The following VIL1 variants were observed in gnomAD, a reference collection of about 807,000 sequenced individuals.
VIL1 encodes the protein villin-1.
A neutral mutation model predicts 104.0 loss-of-function variants in VIL1; 86 were observed. The observed-to-expected ratio is 0.83, with a 90% CI of 0.69 to 0.99. VIL1 has a LOEUF of 0.99. VIL1 is among the 50% of genes least tolerant of loss of function. The pLI is 0.00. For synonymous variants in VIL1, 394 were observed against 412.6 expected, an observed-to-expected ratio of 0.95 and a Z score of 0.55; for missense variants, 944 against 1,054.1, an observed-to-expected ratio of 0.90 and a Z score of 1.45.
intron 19 of VIL1, among the ~76,000 whole-genome samples, chr2:218,442,688 C>A (rs1574820108): frequency 1.3e-5 from 2 of 152,150 alleles, no homozygotes; most frequent in South Asian, 4.1e-4. Flanking sequence ...GGCTGCCAAT[C>A]TAGCTTAGGG....
At chr2:218,420,599 T>TG (rs1179228816) in intron 1 of VIL1, among the ~76,000 whole-genome samples, 4 of 150,426 alleles carry the variant, frequency 2.7e-5, no homozygotes, top group African/African-American at 9.7e-5. Flanking sequence ...TTTTGTTTTT[T>TG]TTTTGAGAAG....
chr2:218,423,630 A>G, intron 1 of VIL1, 138 bp from the exon 2 acceptor site: 1 of 737,138 alleles, frequency 1.4e-6, no homozygotes, highest in Non-Finnish European at 2.3e-6. Context: ...ATGGTCCCTG[A>G]GTGGGGAGTA....
chr2:218,435,636 G>T (rs577349668), intron 15 of VIL1, among the ~76,000 whole-genome samples: 8 of 152,320 alleles, frequency 5.3e-5, no homozygotes, highest in African/African-American at 1.9e-4. Context: ...TGTCTGTGCT[G>T]CTCACTACAG....
chr2:218,446,578 G>A (rs1056369753), intron 19 of VIL1, among the ~76,000 whole-genome samples: 24 of 152,170 alleles, frequency 1.6e-4, no homozygotes, highest in African/African-American at 5.1e-4. Flanking sequence ...TAAGCCAAGA[G>A]TGATGAAGCT....
chr2:218,447,323 C>A (rs1444136457), intron 19 of VIL1, among the ~76,000 whole-genome samples: 1 of 151,640 alleles, frequency 6.6e-6, no homozygotes, highest in East Asian at 1.9e-4. Flanking sequence ...GCAATAAAAT[C>A]TTTTTTTTGA....
chr2:218,429,966 G>A lies in VIL1; in HGVS notation c.948+19G>A. On this transcript the variant is annotated intron_variant, in intron 9 of 19. Coordinates refer to ENST00000248444, the MANE Select transcript of VIL1 (RefSeq NM_007127.3). ...TGCGCTGGTAGTGGTGGGGGCGGGGGAGGGTCCAGGAGGAGGGCAGAGTGA... is the reference window on the plus strand; with the variant it reads ...TGCGCTGGTAGTGGTGGGGGCGGGGAAGGGTCCAGGAGGAGGGCAGAGTGA... 1.4e-6 allele frequency: 2 copies of A among 1,381,338 alleles called. No homozygotes were observed. Among genetic ancestry groups the A allele is most frequent in the Non-Finnish European group, 1.0e-6 (1 of 969,684 alleles). 85.6% of individuals were successfully genotyped at this position (1,381,338 alleles called of 1,614,324 possible).
intron 16 of VIL1, 132 bp downstream of exon 16, chr2:218,436,758 G>A: frequency 1.7e-6 from 2 of 1,181,540 alleles, no homozygotes; most frequent in East Asian, 2.4e-5. Flanking sequence ...GAAATGGTAT[G>A]AACACCAGAA....
intron 17 of VIL1, among the ~76,000 whole-genome samples, chr2:218,437,941 C>T (rs1002397394): frequency 6.6e-6 from 1 of 152,178 alleles, no homozygotes; most frequent in East Asian, 1.9e-4. Context: ...TGAAGCCTGG[C>T]CTGGTGGCTC....
At chr2:218,443,267 C>T (rs1281536386) in intron 19 of VIL1, among the ~76,000 whole-genome samples, 1 of 149,184 alleles carries the variant, frequency 6.7e-6, no homozygotes, top group East Asian at 2.0e-4. Context: ...GGCGCGATCT[C>T]GGCTCACTGC....
chr2:218,420,578 G>T (rs1269905189), intron 1 of VIL1, among the ~76,000 whole-genome samples: 6 of 131,258 alleles, frequency 4.6e-5, no homozygotes, highest in Non-Finnish European at 1.0e-4. Flanking sequence ...ATGAGTATTT[G>T]TTTTTTTTTT....
intron 18 of VIL1, 90 bp from the exon 19 acceptor site, chr2:218,440,632 G>GT (rs1689270226): frequency 1.3e-6 from 2 of 1,531,626 alleles, no homozygotes; most frequent in African/African-American, 1.4e-5. Context: ...CTTCTTGAAG[G>GT]TGGTGCCCTA....
At position 218,450,144 on chromosome 2, in the gene VIL1, G is replaced by C. The variant is rs1689445478; in HGVS notation, c.*808G>C. The C allele has an allele frequency of 6.6e-6, 1 of 152,192 alleles. No individual in the cohort carries two copies. The highest frequency in any genetic ancestry group is 2.4e-5 in the African/African-American group (1 of 41,452). The allele number at this position is 152,192 out of a possible 1,614,324, so 9.4% of individuals were successfully genotyped here. A position where few individuals can be genotyped will look rare whatever the true frequency, so the allele number is the denominator to read the frequency against. On this transcript the variant is annotated 3_prime_UTR_variant, in exon 20 of 20. Transcript: ENST00000248444. ...TTTTAAGAAGTAACAGTGCTGCAAGGAAGTCCATGTCAGAAAGCCAACAGA... is the reference window on the plus strand; with the variant it reads ...TTTTAAGAAGTAACAGTGCTGCAAGCAAGTCCATGTCAGAAAGCCAACAGA...
At chr2:218,433,014 T>G (rs1312903328) in intron 13 of VIL1, 63 bp downstream of exon 13, 1 of 1,598,680 alleles carries the variant, frequency 6.3e-7, no homozygotes, top group African/African-American at 1.3e-5. Flanking sequence ...ATCCGGGAGA[T>G]GGAGAAGGGG....
Position 218,449,232 on chromosome 2 carries a change from T to C in VIL1, c.2380T>C (p.Ser794Pro), listed in dbSNP as rs1689424518. 3 of 1,613,640 alleles carry C rather than the reference T, an allele frequency of 1.9e-6. No individual in the cohort carries two copies. Among genetic ancestry groups the C allele is most frequent in the Non-Finnish European group, 2.5e-6 (3 of 1,179,576 alleles). ...CCCTCTCTTCTTCTAGGAACACCTGTCCATTGAAGATTTCACTCAGGCCTT... is the reference window on the plus strand; with the variant it reads ...CCCTCTCTTCTTCTAGGAACACCTGCCCATTGAAGATTTCACTCAGGCCTT... ...VDPSRKEEHL[S>P]IEDFTQAFGM... The change falls in exon 20 of 20, where the codon TCC (serine) becomes CCC (proline). Residue 794 changes from serine (S) to proline (P), a missense_variant. Physicochemically the swap from Ser to Pro is moderately conservative, Grantham distance 74. Transcript: ENST00000248444.
chr2:218,429,322 G>T lies in VIL1; in HGVS notation c.605G>T (p.Arg202Leu), dbSNP rs143650132. 41 of 1,614,042 alleles carry T rather than the reference G, an allele frequency of 2.5e-5. No homozygotes were observed. In the Admixed American group the frequency reaches 5.0e-4, roughly 20 times the overall value. ...GCCAAGGAGATCCGAGACCAGGAGC[G>T]GGGAGGGCGCACCTATGTAGGCGTG... ...TLAKEIRDQE[R>L]GGRTYVGVVD... is the part of the protein sequence containing the mutation. The change falls in exon 7 of 20, where the codon CGG (arginine) becomes CTG (leucine). Residue 202 changes from arginine (R) to leucine (L), a missense_variant. By Grantham distance (102) the Arg-to-Leu change is moderately radical (BLOSUM62 -2). Transcript: ENST00000248444.
At position 218,429,670 on chromosome 2, in the gene VIL1, C is replaced by A; in HGVS notation, c.844C>A (p.His282Asn). The A allele has an allele frequency of 6.2e-7, 1 of 1,614,036 alleles. No homozygotes were observed. Among genetic ancestry groups the A allele is most frequent in the South Asian group, 1.1e-5 (1 of 91,076 alleles). ...GCCACTGACACAGGACCTGCTCAGT[C>A]ACGAGGTAAGAGGGTCTGGAGACCC... is the stretch of plus-strand genomic sequence containing the variant. Reference protein sequence around the residue: ...TRPLTQDLLSHEDCYILDQGG... With the variant: ...TRPLTQDLLSNEDCYILDQGG... Residue 282 changes from histidine to asparagine, a missense_variant, in exon 8 of 20, where the codon CAC (histidine) becomes AAC (asparagine). His to Asn is a moderately conservative substitution (Grantham distance 68). Coordinates refer to ENST00000248444, the MANE Select transcript of VIL1 (RefSeq NM_007127.3).
chr2:218,438,502 T>C (rs1273131759), intron 17 of VIL1, among the ~76,000 whole-genome samples, 156 bp from the exon 18 acceptor site: 1 of 152,230 alleles, frequency 6.6e-6, no homozygotes, highest in Non-Finnish European at 1.5e-5. Context: ...ATCTCCTTTT[T>C]CAGGGACCCT....
intron 19 of VIL1, among the ~76,000 whole-genome samples, chr2:218,447,255 G>T (rs1280552925): frequency 2.6e-5 from 4 of 152,214 alleles, no homozygotes; most frequent in Non-Finnish European, 5.9e-5. Context: ...GGGCCCAGGA[G>T]GGAGACTTCT....
chr2:218,425,952 G>T, intron 4 of VIL1, 141 bp downstream of exon 4: 1 of 912,818 alleles, frequency 1.1e-6, no homozygotes, highest in Non-Finnish European at 1.6e-6. Flanking sequence ...GTGACCTGGG[G>T]CGGGGAAGGG....
Sources: gnomAD v4.1 joint callset for allele counts (sites outside exome capture counted in the v4.1 genomes callset) on GRCh38, gnomAD v4.1.1 for gene constraint, MANE v1.5 for transcripts, NCBI Gene and HGNC (gene_info 2026-07-23, HGNC 2026-07-21) for gene names.